KLHDC10: variants seen among roughly 807,000 people sequenced by gnomAD.
KLHDC10 encodes the protein kelch domain-containing protein 10.
KLHDC10 carries 24 observed loss-of-function variants against 56.1 expected under a neutral mutation model. The observed-to-expected ratio is 0.43, with a 90% CI of 0.31 to 0.60. The LOEUF (loss-of-function observed/expected upper bound fraction) is 0.60, where lower values mean the gene tolerates loss of function less well. Among genes scored for constraint, KLHDC10 ranks in the 20% least tolerant of loss-of-function variants. The pLI is 0.11. For synonymous variants in KLHDC10, 188 were observed against 207.1 expected, an observed-to-expected ratio of 0.91 and a Z score of 0.79; for missense variants, 349 against 567.0, an observed-to-expected ratio of 0.62 and a Z score of 3.91.
intron 4 of KLHDC10, 59 bp from the exon 5 acceptor site, chr7:130,121,995 T>G (rs1345770030): frequency 2.7e-6 from 4 of 1,504,998 alleles, no homozygotes; most frequent in Non-Finnish European, 3.6e-6. Context: ...TCTGGTAAGT[T>G]TACATTCTTT....
In KLHDC10 at chr7:130,120,849, G is replaced by T. The variant is rs1243378955; in HGVS notation, c.576G>T (p.Lys192Asn). 6.2e-7 allele frequency: 1 copy of T among 1,614,192 alleles called. No homozygotes were observed. Among genetic ancestry groups the T allele is most frequent in the South Asian group, 1.1e-5 (1 of 91,080 alleles). Reference protein sequence around the residue: ...NDVHVCNVKYKRWALLSCRGK... With the variant: ...NDVHVCNVKYNRWALLSCRGK... ...TCCATGTGTGTAATGTGAAGTATAA[G>T]AGATGGGCTTTGCTCAGCTGTCGGG... Residue 192 changes from lysine (K) to asparagine (N), a missense_variant, in exon 4 of 10, where the codon AAG becomes AAT. By Grantham distance (94) the Lys-to-Asn change is moderately conservative. Coordinates refer to ENST00000335420, the MANE Select transcript of KLHDC10 (RefSeq NM_014997.4). This position sits in a 1 kb window ranked among gnomAD's most constrained non-coding sequence, Gnocchi z 5.1.
chr7:130,075,303 GA>G (rs1335776985), intron 1 of KLHDC10, among the ~76,000 whole-genome samples: 1 of 152,024 alleles, frequency 6.6e-6, no homozygotes. Flanking sequence ...AACTGACAAA[GA>G]AAAAGAAGGA....
intron 1 of KLHDC10, among the ~76,000 whole-genome samples, chr7:130,071,351 G>T (rs960956033): frequency 1.4e-4 from 22 of 152,108 alleles, no homozygotes; most frequent in Non-Finnish European, 3.1e-4. Context: ...AAAACTAGTT[G>T]GATTATTAAT....
chr7:130,128,889 A>AAAAAAAAAAAAAAT, intron 8 of KLHDC10, among the ~76,000 whole-genome samples: 1 of 66,956 alleles, frequency 1.5e-5, no homozygotes, highest in African/African-American at 7.3e-5. Context: ...AAAAAAAAAA[A>AAAAAAAAAAAAAAT]ATATATATAT....
chr7:130,126,052 C>A (rs1025368481), intron 7 of KLHDC10, 121 bp downstream of exon 7: 2 of 725,360 alleles, frequency 2.8e-6, no homozygotes, highest in Non-Finnish European at 4.5e-6. Flanking sequence ...TTGGGCTGGG[C>A]GCATTGTCTC....
chr7:130,130,153 TA>T lies in KLHDC10; in HGVS notation c.1120-379del, dbSNP rs762525072. 1.3e-5 allele frequency among the ~76,000 whole-genome samples: 2 copies of T among 151,632 alleles called. No homozygotes were observed. The highest frequency in any genetic ancestry group is 2.9e-5 in the Non-Finnish European group (2 of 67,900). The stretch of plus-strand genomic sequence containing the variant: ...AACACGGATGAAACCCCATCTCTAC[TA>T]AAAATACAAAAAAAAATTAGCCGGA... On this transcript the variant is annotated intron_variant, in intron 9 of 9. Transcript: ENST00000335420. This position sits in a 1 kb window ranked among gnomAD's most constrained non-coding sequence, Gnocchi z 4.2.
chr7:130,128,923 T>TA (rs1426229963), intron 8 of KLHDC10, among the ~76,000 whole-genome samples: 1 of 120,790 alleles, frequency 8.3e-6, no homozygotes, highest in South Asian at 2.9e-4. Flanking sequence ...TATATATACA[T>TA]ACTAGCCAAA....
chr7:130,084,060 T>A (rs998938383), intron 1 of KLHDC10, among the ~76,000 whole-genome samples: 3 of 152,222 alleles, frequency 2.0e-5, no homozygotes, highest in Non-Finnish European at 4.4e-5. Flanking sequence ...GCCAATAAGT[T>A]ATGCCACTTT....
At chr7:130,104,042 C>A (rs559116085) in intron 2 of KLHDC10, among the ~76,000 whole-genome samples, 7 of 151,978 alleles carry the variant, frequency 4.6e-5, no homozygotes, top group African/African-American at 1.5e-4. Context: ...GAGCCAAGAT[C>A]GTGCTACTGC....
At chr7:130,095,504 A>G (rs889862313) in intron 1 of KLHDC10, among the ~76,000 whole-genome samples, 1 of 152,188 alleles carries the variant, frequency 6.6e-6, no homozygotes, top group African/African-American at 2.4e-5. Flanking sequence ...TGGTCTGTAG[A>G]CCAGCATTTG....
chr7:130,095,786 G>A (rs1795840981), intron 1 of KLHDC10, among the ~76,000 whole-genome samples: 6 of 152,134 alleles, frequency 3.9e-5, no homozygotes, highest in Admixed American at 3.3e-4. Context: ...ATAAAATATG[G>A]TGTAGTGGGA....
intron 2 of KLHDC10, among the ~76,000 whole-genome samples, chr7:130,107,699 CCG>C (rs1796028541): frequency 6.6e-6 from 1 of 151,762 alleles, no homozygotes; most frequent in South Asian, 2.1e-4. Flanking sequence ...CAAAAATTAG[CCG>C]GGCGTCGTGG....
At chr7:130,105,963 A>G (rs1796001780) in intron 2 of KLHDC10, among the ~76,000 whole-genome samples, 1 of 152,138 alleles carries the variant, frequency 6.6e-6, no homozygotes, top group South Asian at 2.1e-4. Flanking sequence ...TAGCCTGACC[A>G]ACATGGTGAA....
intron 2 of KLHDC10, among the ~76,000 whole-genome samples, chr7:130,106,948 G>A (rs1326285787): frequency 6.6e-6 from 1 of 152,168 alleles, no homozygotes; most frequent in East Asian, 1.9e-4. Context: ...TCCAGCCTGG[G>A]CAATAGAGCA....
At position 130,109,107 on chromosome 7, in the gene KLHDC10, G is replaced by A. The variant is rs1037280913; in HGVS notation, c.254-7338G>A. 1.1e-4 allele frequency among the ~76,000 whole-genome samples: 17 copies of A among 151,662 alleles called. 1 individual carries two copies. The highest frequency in any genetic ancestry group is 1.1e-3 in the Admixed American group (16 of 15,220). ...TTTTTAGTAGGGTCAGGGTTTCACC[G>A]TGTTGACCAGGCTGGTCTCGAACTC... On this transcript the variant is annotated intron_variant, in intron 2 of 9. Transcript: ENST00000335420.
In KLHDC10 at chr7:130,096,956, C is replaced by G; in HGVS notation, c.202C>G (p.Arg68Gly). ...KKIRWDPVRRRFIQSCPIIRI... is the reference protein window; with the variant it reads ...KKIRWDPVRRGFIQSCPIIRI... ...AATACGATGGGACCCAGTTAGGAGG[C>G]GCTTCATTCAGTCCTGTCCCATCAT... Residue 68 changes from arginine (R) to glycine (G), a missense_variant, in exon 2 of 10, where the codon CGC becomes GGC. This residue lies in a region of KLHDC10 where 104 missense variants were observed against 97.0 expected (regional missense o/e 1.07). Coordinates refer to ENST00000335420, the MANE Select transcript of KLHDC10 (RefSeq NM_014997.4). 1 of 1,611,188 alleles carries G rather than the reference C, an allele frequency of 6.2e-7. No homozygotes were observed.
chr7:130,128,533 C>T (rs762138516), intron 8 of KLHDC10, among the ~76,000 whole-genome samples: 4 of 152,162 alleles, frequency 2.6e-5, no homozygotes, highest in African/African-American at 7.2e-5. Flanking sequence ...AGTTTGTCCT[C>T]TTCTCGCCGA....
At position 130,135,419 on chromosome 7, in the gene KLHDC10, A is replaced by T. The variant is rs1796461003; in HGVS notation, c.*4673A>T. 1 of 154,370 alleles carries T rather than the reference A, an allele frequency of 6.5e-6. No homozygotes were observed. The highest frequency in any genetic ancestry group is 2.0e-4 in the South Asian group (1 of 4,920). 9.6% of individuals were successfully genotyped at this position (154,370 alleles called of 1,614,324 possible). ...TCTGAGACACAGTCTCTGAGAGGTG[A>T]GCCTAGCTTTGCTCTTCCTACAGGG... On this transcript the variant is annotated 3_prime_UTR_variant, in exon 10 of 10. Transcript: ENST00000335420.
intron 5 of KLHDC10, among the ~76,000 whole-genome samples, chr7:130,123,516 A>AT (rs200253700): frequency 0.014 from 2,160 of 151,766 alleles, 44 homozygotes; most frequent in African/African-American, 0.049. Flanking sequence ...ACTTGAAGAG[A>AT]TTTTTTTTCC....
Sources: gnomAD v4.1 joint callset for allele counts (sites outside exome capture counted in the v4.1 genomes callset) on GRCh38, gnomAD v4.1.1 for gene constraint, gnomAD v4.1.1 regional missense constraint, Gnocchi (gnomAD v3.1) non-coding constraint, MANE v1.5 for transcripts, NCBI Gene and HGNC (gene_info 2026-07-23, HGNC 2026-07-21) for gene names.